STOX2: variants seen among roughly 807,000 people sequenced by gnomAD.
STOX2 encodes the protein storkhead box 2.
In STOX2, 28 loss-of-function variants were observed where a neutral mutation model predicts 60.9. That is an observed-to-expected ratio of 0.46 (90% CI 0.34 to 0.63). STOX2 has a LOEUF of 0.63. Ranked by LOEUF, STOX2 falls within the 30% of genes least tolerant of loss-of-function variation. STOX2 has a pLI of 0.01. For synonymous variants in STOX2, 472 were observed against 463.9 expected, an observed-to-expected ratio of 1.02 and a Z score of -0.22; for missense variants, 1,024 against 1,187.7, an observed-to-expected ratio of 0.86 and a Z score of 2.03.
intron 2 of STOX2, among the ~76,000 whole-genome samples, chr4:184,005,457 CA>C (rs60307441): frequency 0.35 from 21,007 of 59,246 alleles, 2,217 homozygotes; most frequent in East Asian, 0.56. Context: ...GACGATATCT[CA>C]AAAAAAAAAA....
At chr4:183,874,558 A>C (rs887088291) in intron 1 of STOX2, among the ~76,000 whole-genome samples, 1 of 152,064 alleles carries the variant, frequency 6.6e-6, no homozygotes, top group Non-Finnish European at 1.5e-5. Flanking sequence ...TATTCTAAGC[A>C]ATTATACAGA....
intron 1 of STOX2, among the ~76,000 whole-genome samples, chr4:183,944,511 C>T (rs1230039052): frequency 5.9e-5 from 9 of 152,172 alleles, no homozygotes; most frequent in Admixed American, 3.9e-4. Flanking sequence ...GTCAAGAGTT[C>T]GAGACCTGCC....
Position 183,890,266 on chromosome 4 carries a change from C to T in STOX2, c.364+92211C>T, listed in dbSNP as rs542981093. Among the ~76,000 whole-genome samples, 5 of 152,084 alleles carry T rather than the reference C, an allele frequency of 3.3e-5. No homozygotes were observed. In the East Asian group the frequency reaches 5.8e-4, roughly 18 times the overall value. On this transcript the variant is annotated intron_variant, in intron 1 of 2. Transcript: ENST00000513034. ...TTGAAAGGCCGAGGTGGGCAGATCA[C>T]GGGGTCAGGAGATCGGGACCATCCT...
intron 1 of STOX2, among the ~76,000 whole-genome samples, chr4:183,823,017 G>T (rs1739337306): frequency 6.6e-6 from 1 of 152,202 alleles, no homozygotes; most frequent in Non-Finnish European, 1.5e-5. Flanking sequence ...GAACCTTCGG[G>T]TGCTCTTGAA....
intron 1 of STOX2, among the ~76,000 whole-genome samples, chr4:183,967,933 G>T (rs1022285239): frequency 3.3e-5 from 5 of 152,168 alleles, no homozygotes; most frequent in African/African-American, 9.7e-5. Flanking sequence ...ACCCATGAGG[G>T]GATCCAGCTG....
chr4:183,958,957 C>T (rs146587081), intron 1 of STOX2, among the ~76,000 whole-genome samples: 1 of 152,250 alleles, frequency 6.6e-6, no homozygotes, highest in East Asian at 1.9e-4. Context: ...TACATTTGCA[C>T]TGTGCTTGAG....
intron 1 of STOX2, among the ~76,000 whole-genome samples, chr4:183,984,136 G>T (rs1368103898): frequency 6.6e-6 from 1 of 152,234 alleles, no homozygotes; most frequent in Non-Finnish European, 1.5e-5. Context: ...AGGGTCTGCT[G>T]TTGGCTAGCC....
At chr4:183,896,765 A>G (rs1300321967) in intron 1 of STOX2, among the ~76,000 whole-genome samples, 1 of 152,234 alleles carries the variant, frequency 6.6e-6, no homozygotes, top group Non-Finnish European at 1.5e-5. Context: ...AAGTTTTTCT[A>G]CTTCACAAAA....
At chr4:183,820,632 T>A (rs1261074215) in intron 1 of STOX2, among the ~76,000 whole-genome samples, 1 of 152,222 alleles carries the variant, frequency 6.6e-6, no homozygotes, top group East Asian at 1.9e-4. Context: ...CATAACAGTA[T>A]ATGGTTATTA....
intron 1 of STOX2, among the ~76,000 whole-genome samples, chr4:183,871,847 A>G (rs72994786): frequency 0.13 from 19,043 of 152,114 alleles, 1,387 homozygotes; most frequent in African/African-American, 0.19. Flanking sequence ...CAATACCAAA[A>G]AAAAAATATG....
chr4:183,957,183 T>TAATAAA (rs1024323549), intron 1 of STOX2, among the ~76,000 whole-genome samples: 1 of 141,140 alleles, frequency 7.1e-6, no homozygotes, highest in Non-Finnish European at 1.6e-5. Flanking sequence ...ATAATAATAA[T>TAATAAA]AAAAGAAAAA....
At chr4:183,991,715 C>T (rs755119131) in intron 1 of STOX2, among the ~76,000 whole-genome samples, 15 of 152,208 alleles carry the variant, frequency 9.9e-5, no homozygotes, top group Middle Eastern at 3.4e-3. Flanking sequence ...TGAGCCACCG[C>T]GCCCGGCCAG....
Position 183,906,660 on chromosome 4 carries a change from C to T in STOX2, c.-131C>T. 4 of 1,054,728 alleles carry T rather than the reference C, an allele frequency of 3.8e-6. No homozygotes were observed. The highest frequency in any genetic ancestry group is 5.3e-6 in the Non-Finnish European group (4 of 759,560). 65.3% of individuals were successfully genotyped at this position (1,054,728 alleles called of 1,614,324 possible). A position where few individuals can be genotyped will look rare whatever the true frequency, so the allele number is the denominator to read the frequency against. On this transcript the variant is annotated 5_prime_UTR_variant, in exon 1 of 4. Transcript: ENST00000308497. Reference sequence around the variant, plus strand: ...GGACCCGCCGCTGGCGGTGTAGACGCCGACGAGGAGGGGCTGGGAAAATGT... The same window carrying T: ...GGACCCGCCGCTGGCGGTGTAGACGTCGACGAGGAGGGGCTGGGAAAATGT...
chr4:183,950,642 G>A (rs1375193254), intron 1 of STOX2, among the ~76,000 whole-genome samples: 1 of 150,970 alleles, frequency 6.6e-6, no homozygotes, highest in East Asian at 2.0e-4. Flanking sequence ...GGAATGACAT[G>A]GAGCAGGATG....
chr4:183,973,202 G>A (rs912504961), intron 1 of STOX2, among the ~76,000 whole-genome samples: 8 of 152,292 alleles, frequency 5.3e-5, no homozygotes, highest in South Asian at 2.1e-4. Flanking sequence ...GGTCAAAGAC[G>A]TAAGCTTTTA....
intron 1 of STOX2, among the ~76,000 whole-genome samples, chr4:183,990,505 C>A (rs1432480955): frequency 1.3e-5 from 2 of 149,688 alleles, no homozygotes; most frequent in Non-Finnish European, 3.0e-5. Flanking sequence ...GTCTACATCT[C>A]CTAGCAGTTC....
At chr4:183,900,054 A>G (rs1338535214) in intron 1 of STOX2, among the ~76,000 whole-genome samples, 5 of 152,182 alleles carry the variant, frequency 3.3e-5, no homozygotes, top group African/African-American at 1.2e-4. Context: ...ATGCTCTATA[A>G]ATGGAACAAC....
chr4:183,858,387 ACCC>A (rs1740352251), intron 1 of STOX2, among the ~76,000 whole-genome samples: 1 of 151,788 alleles, frequency 6.6e-6, no homozygotes, highest in South Asian at 2.1e-4. Context: ...TCAGCCACCC[ACCC>A]GGCAGCTCTT....
At chr4:183,914,377 T>G (rs1174836413) in intron 1 of STOX2, among the ~76,000 whole-genome samples, 1 of 152,034 alleles carries the variant, frequency 6.6e-6, no homozygotes, top group East Asian at 1.9e-4. Context: ...GGTTGAGGCC[T>G]CAGCGAGCCG....
Sources: gnomAD v4.1 joint callset for allele counts (sites outside exome capture counted in the v4.1 genomes callset) on GRCh38, gnomAD v4.1.1 for gene constraint, MANE v1.5 for transcripts, NCBI Gene and HGNC (gene_info 2026-07-23, HGNC 2026-07-21) for gene names.